THADA: variants seen among roughly 807,000 people sequenced by gnomAD.
The protein encoded by THADA is THADA armadillo repeat containing.
THADA carries 213 observed loss-of-function variants against 219.8 expected under a neutral mutation model. That is an observed-to-expected ratio of 0.97 (90% CI 0.87 to 1.09). THADA has a LOEUF of 1.09. THADA is among the 50% of genes least tolerant of loss of function. The pLI is 0.00. For synonymous variants in THADA, 1,018 were observed against 828.9 expected, an observed-to-expected ratio of 1.23 and a Z score of -3.92; for missense variants, 2,956 against 2,311.3, an observed-to-expected ratio of 1.28 and a Z score of -5.72.
intron 25 of THADA, among the ~76,000 whole-genome samples, chr2:43,485,623 T>A (rs895559478): frequency 6.6e-6 from 1 of 152,202 alleles, no homozygotes; most frequent in African/African-American, 2.4e-5. Context: ...ATAACACTTT[T>A]CTAAAAATTC....
At chr2:43,235,778 C>T (rs1359792733) in intron 36 of THADA, among the ~76,000 whole-genome samples, 1 of 151,868 alleles carries the variant, frequency 6.6e-6, no homozygotes, top group Non-Finnish European at 1.5e-5. Context: ...GCACTAGCCC[C>T]ACCTGACAGG....
chr2:43,555,834 C>T (rs569819105), intron 17 of THADA, among the ~76,000 whole-genome samples: 2 of 152,206 alleles, frequency 1.3e-5, no homozygotes, highest in African/African-American at 4.8e-5. Flanking sequence ...AAAATGAAGA[C>T]TGACTAGCAT....
intron 29 of THADA, among the ~76,000 whole-genome samples, chr2:43,385,029 T>A (rs539801472): frequency 1.3e-5 from 2 of 152,078 alleles, no homozygotes; most frequent in African/African-American, 4.8e-5. Context: ...TAGTCCCTGC[T>A]ATTTGGGAGG....
intron 36 of THADA, among the ~76,000 whole-genome samples, chr2:43,273,124 CTG>C (rs1017503449): frequency 3.9e-5 from 6 of 152,156 alleles, no homozygotes; most frequent in African/African-American, 7.2e-5. Context: ...TGGTGTGTGT[CTG>C]TAATCCCAGC....
At chr2:43,481,532 C>T (rs888633756) in intron 26 of THADA, among the ~76,000 whole-genome samples, 36 of 152,168 alleles carry the variant, frequency 2.4e-4, no homozygotes, top group African/African-American at 8.7e-4. Context: ...TACTTCCCCC[C>T]AACATATACT....
intron 26 of THADA, among the ~76,000 whole-genome samples, chr2:43,455,116 G>A (rs1682825360): frequency 6.6e-6 from 1 of 152,126 alleles, no homozygotes; most frequent in Non-Finnish European, 1.5e-5. Context: ...TCAACTGCCT[G>A]ATAATCCTCT....
chr2:43,428,265 A>T, intron 27 of THADA, 34 bp from the exon 28 acceptor site: 7 of 1,552,734 alleles, frequency 4.5e-6, no homozygotes, highest in Non-Finnish European at 6.1e-6. Flanking sequence ...GAAAGATTTC[A>T]CATTTAGGTA....
intron 13 of THADA, among the ~76,000 whole-genome samples, 175 bp from the exon 14 acceptor site, chr2:43,570,685 CTA>C (rs572747509): frequency 1.0e-3 from 159 of 152,280 alleles, no homozygotes; most frequent in Non-Finnish European, 1.8e-3. Flanking sequence ...CAAAAACAAA[CTA>C]TTACTGCAAA....
intron 36 of THADA, among the ~76,000 whole-genome samples, chr2:43,246,316 G>A (rs757541867): frequency 6.6e-6 from 1 of 152,056 alleles, no homozygotes; most frequent in South Asian, 2.1e-4. Flanking sequence ...CCAACATGGC[G>A]AAACCCTGTC....
At chr2:43,247,948 C>A (rs761021387) in intron 36 of THADA, among the ~76,000 whole-genome samples, 14 of 150,490 alleles carry the variant, frequency 9.3e-5, no homozygotes, top group African/African-American at 2.9e-4. Context: ...GAAGCTGAGG[C>A]GGGAGGATTA....
chr2:43,451,979 T>C (rs1682401300), intron 26 of THADA, among the ~76,000 whole-genome samples: 2 of 151,932 alleles, frequency 1.3e-5, no homozygotes, highest in African/African-American at 2.4e-5. Flanking sequence ...TGATGGCGCA[T>C]ACCTGTAGTC....
chr2:43,240,788 G>A (rs930863426), intron 36 of THADA, among the ~76,000 whole-genome samples: 3 of 152,194 alleles, frequency 2.0e-5, no homozygotes, highest in Non-Finnish European at 4.4e-5. Context: ...AGTCTGGGTC[G>A]GGGAACATAG....
chr2:43,528,559 G>A (rs1693471376), intron 21 of THADA, among the ~76,000 whole-genome samples: 1 of 152,114 alleles, frequency 6.6e-6, no homozygotes, highest in Non-Finnish European at 1.5e-5. Context: ...CTTATCCAAG[G>A]TCAGACAGCA....
chr2:43,393,804 A>T (rs1289610144), intron 29 of THADA, among the ~76,000 whole-genome samples: 6 of 152,158 alleles, frequency 3.9e-5, no homozygotes, highest in African/African-American at 1.4e-4. Flanking sequence ...AATAGACAAG[A>T]AATGAAAAAA....
chr2:43,516,936 G>A (rs1422802592), intron 22 of THADA, among the ~76,000 whole-genome samples: 1 of 152,220 alleles, frequency 6.6e-6, no homozygotes, highest in South Asian at 2.1e-4. Flanking sequence ...TTTTCATGTG[G>A]CTTTGGAATG....
chr2:43,250,841 G>C (rs1452427433), intron 36 of THADA, among the ~76,000 whole-genome samples: 1 of 152,230 alleles, frequency 6.6e-6, no homozygotes, highest in Non-Finnish European at 1.5e-5. Context: ...TAAAGCAAAG[G>C]GAATGGGCAG....
chr2:43,321,565 T>C (rs138285444), intron 30 of THADA, among the ~76,000 whole-genome samples: 2 of 152,358 alleles, frequency 1.3e-5, no homozygotes, highest in Non-Finnish European at 2.9e-5. Flanking sequence ...GAGTTTGTTA[T>C]AAAGATGAGT....
rs1328507425 is a variant in THADA, at chr2:43,556,509, C to G, written c.2510G>C (p.Ser837Thr). ...ACAGTCGTATGGTTTGGTGCTTGTG[C>G]TGAGCTCCAATGCTGCCTGAAATAA... is the stretch of plus-strand genomic sequence containing the variant. Reference protein sequence around the residue: ...QGLFQAALELSTSTKPYDCVT... With the variant: ...QGLFQAALELTTSTKPYDCVT... Residue 837 changes from serine to threonine, a missense_variant, in exon 17 of 38, where the codon AGC becomes ACC. Physicochemically the swap from Ser to Thr is moderately conservative, Grantham distance 58 (BLOSUM62 1). Coordinates refer to ENST00000405975, the MANE Select transcript of THADA (RefSeq NM_022065.5). The G allele has an allele frequency of 3.7e-6, 6 of 1,613,860 alleles. No individual in the cohort carries two copies. Among genetic ancestry groups the G allele is most frequent in the Non-Finnish European group, 4.2e-6 (5 of 1,179,826 alleles).
In THADA at chr2:43,527,910, C is replaced by T; in HGVS notation, c.3343G>A (p.Gly1115Ser). 1 of 1,612,606 alleles carries T rather than the reference C, an allele frequency of 6.2e-7. No individual in the cohort carries two copies. Among genetic ancestry groups the T allele is most frequent in the South Asian group, 1.1e-5 (1 of 90,894 alleles). ...HRGAFELAYTGFVKLTEVLNR... is the reference protein window; with the variant it reads ...HRGAFELAYTSFVKLTEVLNR... ...AGTACTTCAGTGAGTTTCACAAAAC[C>T]AGTATAAGCCAATTCAAATGCTCCT... Residue 1115 changes from glycine to serine, a missense_variant, in exon 22 of 38, where the codon GGT becomes AGT. Coordinates refer to ENST00000405975, the MANE Select transcript of THADA (RefSeq NM_022065.5).
Sources: gnomAD v4.1 joint callset for allele counts (sites outside exome capture counted in the v4.1 genomes callset) on GRCh38, gnomAD v4.1.1 for gene constraint, MANE v1.5 for transcripts, NCBI Gene and HGNC (gene_info 2026-07-23, HGNC 2026-07-21) for gene names.